Variants in CAMK1D observed in about 807,000 individuals in gnomAD.
CAMK1D encodes calcium/calmodulin dependent protein kinase ID, also known as calcium/calmodulin-dependent protein kinase type 1D.
In CAMK1D, 9 loss-of-function variants were observed where a neutral mutation model predicts 47.7. The observed-to-expected ratio is 0.19, with a 90% CI of 0.11 to 0.33. The LOEUF is 0.33. CAMK1D is among the 10% of genes least tolerant of loss of function. CAMK1D has a pLI of 1.00. For synonymous variants in CAMK1D, 184 were observed against 184.9 expected (o/e 0.99, Z 0.04); for missense variants, 291 against 488.7 (o/e 0.60, Z 3.81).
chr10:12,506,611 C>T (rs756533135), intron 1 of CAMK1D, among the ~76,000 whole-genome samples: 5 of 152,040 alleles, frequency 3.3e-5, no homozygotes, highest in East Asian at 1.9e-4. Flanking sequence ...CTCCGCCTCC[C>T]GGGTTCACGC....
chr10:12,764,959 G>T (rs183096920), intron 4 of CAMK1D, among the ~76,000 whole-genome samples: 1 of 152,262 alleles, frequency 6.6e-6, no homozygotes, highest in Non-Finnish European at 1.5e-5. Context: ...GCCGTGTGTG[G>T]TGGCACATGC....
At chr10:12,416,731 T>G (rs1055654651) in intron 1 of CAMK1D, among the ~76,000 whole-genome samples, 3 of 152,228 alleles carry the variant, frequency 2.0e-5, no homozygotes, top group African/African-American at 7.2e-5. Context: ...TGCCATACTC[T>G]GTGTCAGTTT....
chr10:12,482,629 C>T (rs972477781), intron 1 of CAMK1D, among the ~76,000 whole-genome samples: 1 of 152,142 alleles, frequency 6.6e-6, no homozygotes, highest in Non-Finnish European at 1.5e-5. Context: ...GGTTTTTTCC[C>T]CCATATGCGT....
chr10:12,714,222 C>T (rs1379291259), intron 3 of CAMK1D, among the ~76,000 whole-genome samples: 1 of 152,104 alleles, frequency 6.6e-6, no homozygotes, highest in Non-Finnish European at 1.5e-5. Flanking sequence ...TCACCCCCCA[C>T]CCCCGTAGGC....
chr10:12,352,257 T>C (rs1249491789), intron 1 of CAMK1D, among the ~76,000 whole-genome samples: 1 of 152,234 alleles, frequency 6.6e-6, no homozygotes, highest in Non-Finnish European at 1.5e-5. Context: ...GGCCAATGCT[T>C]AGTCAATAAT....
chr10:12,451,311 G>A (rs866961451), intron 1 of CAMK1D, among the ~76,000 whole-genome samples: 10 of 152,362 alleles, frequency 6.6e-5, no homozygotes, highest in African/African-American at 2.4e-4. Flanking sequence ...GGGAGAAGGA[G>A]CTGGGCTGGT....
chr10:12,408,277 T>C (rs896709027), intron 1 of CAMK1D, among the ~76,000 whole-genome samples: 1 of 152,158 alleles, frequency 6.6e-6, no homozygotes, highest in African/African-American at 2.4e-5. Context: ...TACTCCTGCC[T>C]CAACCTCCCG....
At chr10:12,542,639 A>T (rs1173172694) in intron 1 of CAMK1D, among the ~76,000 whole-genome samples, 1 of 152,232 alleles carries the variant, frequency 6.6e-6, no homozygotes, top group African/African-American at 2.4e-5. Context: ...AGCACCTAAA[A>T]TATGCAAGTC....
chr10:12,400,569 C>T (rs746620647), intron 1 of CAMK1D, among the ~76,000 whole-genome samples: 6 of 151,996 alleles, frequency 3.9e-5, no homozygotes, highest in East Asian at 3.9e-4. Flanking sequence ...TCTTAATAGC[C>T]GCTAGCTCTA....
intron 2 of CAMK1D, among the ~76,000 whole-genome samples, chr10:12,579,793 C>T (rs930992135): frequency 2.0e-5 from 3 of 152,140 alleles, no homozygotes; most frequent in African/African-American, 7.2e-5. Flanking sequence ...GCTGCACCAC[C>T]CTTGTCATGG....
At chr10:12,826,350 G>T (rs1833208576) in intron 10 of CAMK1D, among the ~76,000 whole-genome samples, 2 of 152,166 alleles carry the variant, frequency 1.3e-5, no homozygotes, top group African/African-American at 4.8e-5. Context: ...CCTCAGGACA[G>T]CCTCCTGCCA....
chr10:12,630,163 T>G (rs1447733757), intron 2 of CAMK1D, among the ~76,000 whole-genome samples: 1 of 152,136 alleles, frequency 6.6e-6, no homozygotes, highest in Non-Finnish European at 1.5e-5. Flanking sequence ...CACCCTGATA[T>G]TCGAAGCTGC....
rs1177370639 is a variant in CAMK1D, at chr10:12,734,364, A to C, written c.300-26584A>C. On this transcript the variant is annotated intron_variant, in intron 3 of 10. Transcript: ENST00000619168. ...AAAAAAAATATATATATATATATAT[A>C]TATATATATATATAGATATAGATAT... 2.7e-3 allele frequency among the ~76,000 whole-genome samples: 44 copies of C among 16,114 alleles called. 5 individuals are homozygous for C. Among genetic ancestry groups the C allele is most frequent in the South Asian group, 0.013 (6 of 446 alleles). 10.6% of individuals were successfully genotyped at this position (16,114 alleles called of 152,430 possible). A position where few individuals can be genotyped will look rare whatever the true frequency, so the allele number is the denominator to read the frequency against.
At chr10:12,704,625 A>G (rs1401669415) in intron 3 of CAMK1D, among the ~76,000 whole-genome samples, 1 of 152,100 alleles carries the variant, frequency 6.6e-6, no homozygotes, top group Non-Finnish European at 1.5e-5. Flanking sequence ...AGGGAAGTGG[A>G]TATTATGGAT....
intron 1 of CAMK1D, among the ~76,000 whole-genome samples, chr10:12,534,193 T>C (rs1339078716): frequency 6.6e-6 from 1 of 152,138 alleles, no homozygotes; most frequent in East Asian, 1.9e-4. Context: ...TATCTGTCTA[T>C]CTATCTATCT....
chr10:12,828,796 T>G lies in CAMK1D; in HGVS notation c.1067T>G (p.Phe356Cys), dbSNP rs2131137725. The part of the protein sequence containing the change: ...DCLAPSTLCS[F>C]ISSSSGVSGV... ...CTGGCACCTTCCACGCTCTGTAGTT[T>G]CATTTCTTCTTCGTCGGGGGTCTCA... is the stretch of plus-strand genomic sequence containing the variant. The change falls in exon 11 of 11, where the codon TTC becomes TGC. Residue 356 changes from phenylalanine (F) to cysteine (C), a missense_variant. Around this residue, in one of 2 missense-constraint regions of CAMK1D, gnomAD observed 72 missense variants for 64.4 expected, o/e 1.12. Coordinates refer to ENST00000619168, the MANE Select transcript of CAMK1D (RefSeq NM_153498.4). The G allele has an allele frequency of 1.2e-6, 2 of 1,613,912 alleles. No individual in the cohort carries two copies. Among genetic ancestry groups the G allele is most frequent in the South Asian group, 1.1e-5 (1 of 91,080 alleles).
At chr10:12,792,957 C>T (rs535036092) in intron 6 of CAMK1D, among the ~76,000 whole-genome samples, 1,059 of 98,840 alleles carry the variant, frequency 0.011, 4 homozygotes, top group Non-Finnish European at 0.015. Context: ...CACATGTGTG[C>T]GCGCACACAC....
At chr10:12,734,206 C>A (rs554285253) in intron 3 of CAMK1D, among the ~76,000 whole-genome samples, 1 of 149,120 alleles carries the variant, frequency 6.7e-6, no homozygotes, top group Non-Finnish European at 1.5e-5. Flanking sequence ...CCTGTAGTCC[C>A]AGCTACTCAA....
At chr10:12,656,298 C>T (rs1840113416) in intron 2 of CAMK1D, among the ~76,000 whole-genome samples, 2 of 152,174 alleles carry the variant, frequency 1.3e-5, no homozygotes, top group South Asian at 4.1e-4. Flanking sequence ...CAGGACCAGC[C>T]TGGGTAACAT....
Sources: allele counts gnomAD v4.1 joint callset (sites outside exome capture counted in the v4.1 genomes callset), GRCh38; gene constraint gnomAD v4.1.1; regional missense constraint gnomAD v4.1.1; transcripts MANE v1.5; gene names NCBI Gene and HGNC (gene_info 2026-07-23, HGNC 2026-07-21).